Variants in CRAMP1 observed in about 807,000 individuals in gnomAD.
CRAMP1 encodes cramped chromatin regulator 1.
In CRAMP1, 50 loss-of-function variants were observed where a neutral mutation model predicts 115.4. That is an observed-to-expected ratio of 0.43 (90% confidence interval 0.35 to 0.55). The LOEUF (loss-of-function observed/expected upper bound fraction) is 0.55, where lower values mean the gene tolerates loss of function less well. Ranked by LOEUF, CRAMP1 falls within the 20% of genes least tolerant of loss-of-function variation. The pLI is 0.01. For synonymous variants in CRAMP1, 866 were observed against 745.4 expected (o/e 1.16, Z -2.64); for missense variants, 1,679 against 1,721.7 (o/e 0.98, Z 0.44).
Position 1,666,162 on chromosome 16 carries a change from A to G in CRAMP1, c.2842A>G (p.Thr948Ala). 6.2e-7 allele frequency: 1 copy of G among 1,606,902 alleles called. No homozygotes were observed. Among genetic ancestry groups the G allele is most frequent in the South Asian group, 1.1e-5 (1 of 89,602 alleles). The stretch of plus-strand genomic sequence containing the variant: ...GCCCAAGGTCCTTCCACCCCAGGCC[A>G]CGAGTCACCTGGCCAGTAAGTCTGT... Reference protein sequence around the residue: ...IVPKVLPPQATSHLASAIDLA... With the variant: ...IVPKVLPPQAASHLASAIDLA... Residue 948 changes from threonine (T) to alanine (A), a missense_variant, in exon 15 of 21, where the codon ACG becomes GCG. Thr to Ala is a moderately conservative substitution (Grantham distance 58). Coordinates refer to ENST00000397412, the MANE Select transcript of CRAMP1 (RefSeq NM_020825.4). This position sits in a 1 kb window ranked among gnomAD's most constrained non-coding sequence, Gnocchi z 5.0.
rs1005890225 is a variant in CRAMP1, at chr16:1,632,427, C to T, written c.694+62C>T. 14 of 1,487,976 alleles carry T rather than the reference C, an allele frequency of 9.4e-6. No individual in the cohort carries two copies. In the South Asian group the frequency reaches 1.3e-4, roughly 13 times the overall value. 92.2% of individuals were successfully genotyped at this position (1,487,976 alleles called of 1,614,324 possible). A position where few individuals can be genotyped will look rare whatever the true frequency, so the allele number is the denominator to read the frequency against. On this transcript the variant is annotated intron_variant, in intron 4 of 20. Transcript: ENST00000397412. ...AGGCAGGGCCGGCTTCTGCTCAGAGCGCAGCTTCCAGCAAGCCCGCCGGAC... is the reference window on the plus strand; with the variant it reads ...AGGCAGGGCCGGCTTCTGCTCAGAGTGCAGCTTCCAGCAAGCCCGCCGGAC...
rs773274223 is a variant in CRAMP1 at position 1,656,740 on chromosome 16, G to A, written c.1983G>A (p.Pro661=). 68 of 1,549,728 alleles carry A rather than the reference G, an allele frequency of 4.4e-5. No individual in the cohort carries two copies. The highest frequency in any genetic ancestry group is 8.3e-5 in the South Asian group (7 of 84,016). The change falls in exon 10 of 21, where the codon CCG becomes CCA. Residue 661 remains proline, a synonymous_variant. Transcript: ENST00000397412. The surrounding 1 kb of genome is among the most constrained non-coding windows in gnomAD (Gnocchi z 5.6). ...AGGGACAGCCTGCCGCCAGGCCCCC[G>A]AAGGAGGTCCCCGCCAGCCGGCTGG... ...PSQGQPAARP[P]KEVPASRLAQ... is the part of the protein sequence containing the mutation.
rs142797101 is a variant in CRAMP1 at position 1,662,712 on chromosome 16, C to T, written c.2595+41C>T. Reference sequence around the variant, plus strand: ...CGGGCCGCCCGCGTGCGAGCGTCCCCGTGGTCTGGAGAGTGCACCTTCAGG... The same window carrying T: ...CGGGCCGCCCGCGTGCGAGCGTCCCTGTGGTCTGGAGAGTGCACCTTCAGG... On this transcript the variant is annotated intron_variant, in intron 12 of 20. Coordinates refer to ENST00000397412, the MANE Select transcript of CRAMP1 (RefSeq NM_020825.4). 4.9e-4 allele frequency: 783 copies of T among 1,613,576 alleles called. 4 individuals carry two copies. In the African/African-American group the frequency reaches 8.8e-3, roughly 18 times the overall value.
chr16:1,676,686 C>G lies in CRAMP1; in HGVS notation c.*2641C>G, dbSNP rs917024778. ...GTTGCCTGGGATCTTTCTGTTGATT[C>G]GTCTTTTCTGGAGATTGGGACAGAG... On this transcript the variant is annotated 3_prime_UTR_variant, in exon 21 of 21. Coordinates refer to ENST00000397412, the MANE Select transcript of CRAMP1 (RefSeq NM_020825.4). 1 of 152,224 alleles carries G rather than the reference C, an allele frequency of 6.6e-6. No individual in the cohort carries two copies. Among genetic ancestry groups the G allele is most frequent in the South Asian group, 2.1e-4 (1 of 4,830 alleles). 9.4% of individuals were successfully genotyped at this position (152,224 alleles called of 1,614,324 possible). A position where few individuals can be genotyped will look rare whatever the true frequency, so the allele number is the denominator to read the frequency against.
chr16:1,613,887 GGAA>G, intron 1 of CRAMP1, among the ~76,000 whole-genome samples: 1 of 152,264 alleles, frequency 6.6e-6, no homozygotes, highest in African/African-American at 2.4e-5. Flanking sequence ...TCCCACCCTG[GGAA>G]GAAGATTCCC....
At chr16:1,659,805 T>C in intron 10 of CRAMP1, 81 bp from the exon 11 acceptor site, 2 of 1,315,944 alleles carry the variant, frequency 1.5e-6, no homozygotes, top group Non-Finnish European at 2.2e-6. Flanking sequence ...GATGATTTTC[T>C]TGTGCCTCCT....
At chr16:1,632,499 G>A (rs1488554015) in intron 4 of CRAMP1, 134 bp downstream of exon 4, 21 of 890,940 alleles carry the variant, frequency 2.4e-5, no homozygotes, top group Non-Finnish European at 3.3e-5. Flanking sequence ...GGGGCTCCTC[G>A]CCTTGCAGCG....
At chr16:1,654,613 A>G (rs953986095) in intron 8 of CRAMP1, among the ~76,000 whole-genome samples, 3 of 152,148 alleles carry the variant, frequency 2.0e-5, no homozygotes, top group Non-Finnish European at 4.4e-5. Context: ...TCATGACGCT[A>G]GAAGAGGCCC....
chr16:1,632,409 G>A (rs1443812571), intron 4 of CRAMP1, 44 bp downstream of exon 4: 1 of 1,540,620 alleles, frequency 6.5e-7, no homozygotes. Flanking sequence ...CACAGGCAGG[G>A]CCGGCTTCTG....
chr16:1,674,987 T>C lies in CRAMP1; in HGVS notation c.*942T>C, dbSNP rs912234649. ...TTGGCACTTGAGACAAACCTGCCTT[T>C]GCAGGGAAAGTGTCTCTCACGGGCA... On this transcript the variant is annotated 3_prime_UTR_variant, in exon 21 of 21. Transcript: ENST00000397412. The C allele has an allele frequency of 6.6e-6, 1 of 152,258 alleles. No homozygotes were observed. The highest frequency in any genetic ancestry group is 2.4e-5 in the African/African-American group (1 of 41,460). The allele number at this position is 152,258 out of a possible 1,614,324, so 9.4% of individuals were successfully genotyped here. A position where few individuals can be genotyped will look rare whatever the true frequency, so the allele number is the denominator to read the frequency against.
intron 20 of CRAMP1, 99 bp downstream of exon 20, chr16:1,670,908 G>A (rs2036917222): frequency 8.6e-7 from 1 of 1,158,446 alleles, no homozygotes; most frequent in Non-Finnish European, 1.2e-6. Flanking sequence ...AGAGCTGTTT[G>A]CCAAGAGTAG....
Position 1,627,335 on chromosome 16 carries a change from G to A in CRAMP1, c.540+1169G>A, listed in dbSNP as rs2036516152. On this transcript the variant is annotated intron_variant, in intron 3 of 20. Coordinates refer to ENST00000397412, the MANE Select transcript of CRAMP1 (RefSeq NM_020825.4). ...TAATTTTTTGTATTTTAGTTGAGAC[G>A]GAGTTTCACCGTGTTGCCTGGGCTG... is the stretch of plus-strand genomic sequence containing the variant. 6.6e-5 allele frequency among the ~76,000 whole-genome samples: 10 copies of A among 152,268 alleles called. No homozygotes were observed. The South Asian group carries it at 1.9e-3, about 28-fold the overall frequency.
In CRAMP1 at chr16:1,655,816, G is replaced by A. The variant is rs1255575565; in HGVS notation, c.1120-61G>A. 3.2e-6 allele frequency: 5 copies of A among 1,545,136 alleles called. No homozygotes were observed. In the South Asian group the frequency reaches 4.9e-5, roughly 15 times the overall value. On this transcript the variant is annotated intron_variant, in intron 9 of 20. Coordinates refer to ENST00000397412, the MANE Select transcript of CRAMP1 (RefSeq NM_020825.4). ...GCGTGGCTCGTGTCTGTACCCATGT[G>A]CCTGGTCAGCATCCCGACCTCAGTG...
chr16:1,661,144 C>G (rs1369171456), intron 11 of CRAMP1, among the ~76,000 whole-genome samples: 1 of 152,126 alleles, frequency 6.6e-6, no homozygotes, highest in Non-Finnish European at 1.5e-5. Flanking sequence ...AGCAAGACCC[C>G]ATCTCTACAA....
At chr16:1,613,065 G>C (rs1470509418) in intron 1 of CRAMP1, among the ~76,000 whole-genome samples, 1 of 152,154 alleles carries the variant, frequency 6.6e-6, no homozygotes, top group Non-Finnish European at 1.5e-5. Context: ...TGGGTCCCGG[G>C]TGGCCTGCGG....
rs766766057 is a variant in CRAMP1 at position 1,660,031 on chromosome 16, C to A, written c.2381C>A (p.Thr794Asn). The A allele has an allele frequency of 1.3e-6, 2 of 1,598,114 alleles. No individual in the cohort carries two copies. Among genetic ancestry groups the A allele is most frequent in the South Asian group, 2.2e-5 (2 of 90,494 alleles). ...CAGGCCTCCCTCCGCAGCAGCAAGA[C>A]CTTCCCGCCCAGCTCTGCACCCTGC... The part of the protein sequence containing the change: ...RNQASLRSSK[T>N]FPPSSAPCSS... The change falls in exon 11 of 21, where the codon ACC (threonine) becomes AAC (asparagine). Residue 794 changes from threonine (T) to asparagine (N), a missense_variant. Transcript: ENST00000397412.
intron 2 of CRAMP1, among the ~76,000 whole-genome samples, chr16:1,623,702 G>A (rs770916602): frequency 1.3e-5 from 2 of 152,202 alleles, no homozygotes; most frequent in African/African-American, 2.4e-5. Flanking sequence ...GTGACTCCAC[G>A]TGAGGAATCC....
At chr16:1,637,323 C>T (rs1007221031) in intron 4 of CRAMP1, among the ~76,000 whole-genome samples, 1 of 152,028 alleles carries the variant, frequency 6.6e-6, no homozygotes, top group African/African-American at 2.4e-5. Context: ...AAAACAGGGC[C>T]TCTTACTGAG....
Position 1,677,071 on chromosome 16 carries a change from A to G in CRAMP1, c.*3026A>G, listed in dbSNP as rs1016891988. Reference sequence around the variant, plus strand: ...AGACACCGGGAATGAGGGAGGAGGAAGACAGTTGTGTTTTCTCTTTAAACC... The same window carrying G: ...AGACACCGGGAATGAGGGAGGAGGAGGACAGTTGTGTTTTCTCTTTAAACC... On this transcript the variant is annotated 3_prime_UTR_variant, in exon 21 of 21. Transcript: ENST00000397412. 1 of 152,658 alleles carries G rather than the reference A, an allele frequency of 6.6e-6. No homozygotes were observed. The highest frequency in any genetic ancestry group is 1.5e-5 in the Non-Finnish European group (1 of 68,052). 9.5% of individuals were successfully genotyped at this position (152,658 alleles called of 1,614,324 possible).
Sources: allele counts gnomAD v4.1 joint callset (sites outside exome capture counted in the v4.1 genomes callset), GRCh38; gene constraint gnomAD v4.1.1; non-coding constraint Gnocchi (gnomAD v3.1); transcripts MANE v1.5; gene names NCBI Gene and HGNC (gene_info 2026-07-23, HGNC 2026-07-21).